Variants in SCN9A observed in about 807,000 individuals in gnomAD.
SCN9A encodes the protein sodium voltage-gated channel alpha subunit 9, also known as sodium channel protein type 9 subunit alpha.
Under a neutral mutation model 187.0 loss-of-function variants are expected in SCN9A, and 131 were observed. That is an observed-to-expected ratio of 0.70 (90% confidence interval 0.61 to 0.81). The LOEUF is 0.81. Among genes scored for constraint, SCN9A ranks in the 30% least tolerant of loss-of-function variants. The probability of loss-of-function intolerance (pLI) is 0.00; values close to 1 mark genes in which losing one functional copy is unlikely to be tolerated. For synonymous variants in SCN9A, 809 were observed against 808.6 expected (o/e 1.00, Z -0.01); for missense variants, 2,252 against 2,396.6 (o/e 0.94, Z 1.26).
intron 1 of SCN9A, among the ~76,000 whole-genome samples, chr2:166,334,235 C>T (rs1294689265): frequency 1.3e-5 from 2 of 151,962 alleles, no homozygotes; most frequent in Admixed American, 1.3e-4. Context: ...CGAATGCCAA[C>T]AAAATTACAA....
intron 17 of SCN9A, 33 bp from the exon 18 acceptor site, chr2:166,251,918 T>C: frequency 1.2e-6 from 2 of 1,609,302 alleles, no homozygotes; most frequent in Non-Finnish European, 1.7e-6. Context: ...ACCAGGTAGT[T>C]CATTTAGAGT....
chr2:166,267,101 T>C (rs1312190457), intron 17 of SCN9A, among the ~76,000 whole-genome samples: 2 of 151,980 alleles, frequency 1.3e-5, no homozygotes, highest in Non-Finnish European at 2.9e-5. Flanking sequence ...TGAATAAAAG[T>C]AGTGAAAGTG....
At position 166,307,013 on chromosome 2, in the gene SCN9A, T is replaced by C. The variant is rs762510204; in HGVS notation, c.320A>G (p.Tyr107Cys). Reference protein sequence around the residue: ...IFRFNATPALYMLSPFSPLRR... With the variant: ...IFRFNATPALCMLSPFSPLRR... The stretch of plus-strand genomic sequence containing the variant: ...TAGAGGACTGAAAGGAGAAAGCATA[T>C]ATAAAGCAGGTGTGGCATTGAAACG... Residue 107 changes from tyrosine to cysteine, a missense_variant, in exon 3 of 27, where the codon TAT (tyrosine) becomes TGT (cysteine). This residue lies in a region of SCN9A where 1,013 missense variants were observed against 997.4 expected (regional missense o/e 1.02). Transcript: ENST00000642356. 3.1e-6 allele frequency: 5 copies of C among 1,612,028 alleles called. No homozygotes were observed. Among genetic ancestry groups the C allele is most frequent in the East Asian group, 2.2e-5 (1 of 44,796 alleles).
chr2:166,197,213 C>T lies in SCN9A; in HGVS notation c.*1459G>A, dbSNP rs200973494. On this transcript the variant is annotated 3_prime_UTR_variant, in exon 27 of 27. Coordinates refer to ENST00000642356, the MANE Select transcript of SCN9A (RefSeq NM_001365536.1). ...ATGAATAACTTTATAGAAGAAAGAT[C>T]TCATATTCCTGAAATAAACTCACGA... 2 of 152,050 alleles carry T rather than the reference C, an allele frequency of 1.3e-5. No homozygotes were observed. The highest frequency in any genetic ancestry group is 2.1e-4 in the South Asian group (1 of 4,812). The allele number at this position is 152,050 out of a possible 1,614,324, so 9.4% of individuals were successfully genotyped here. A position where few individuals can be genotyped will look rare whatever the true frequency, so the allele number is the denominator to read the frequency against.
Position 166,281,684 on chromosome 2 carries a change from A to C in SCN9A, c.2099T>G (p.Val700Gly). The C allele has an allele frequency of 6.2e-7, 1 of 1,612,848 alleles. No individual in the cohort carries two copies. The highest frequency in any genetic ancestry group is 8.5e-7 in the Non-Finnish European group (1 of 1,179,246). ...AAAAGAAGATTATTACATACCTTCC[A>C]CAGTGTTTGTTAATATGCTTGCTCT... ...MSRASILTNT[V>G]EELEESRQKC... Residue 700 changes from valine (V) to glycine (G), a missense_variant, in exon 13 of 27, where the codon GTG (valine) becomes GGG (glycine). By Grantham distance (109) the Val-to-Gly change is moderately radical. Around this residue, in one of 7 missense-constraint regions of SCN9A, gnomAD observed 1,013 missense variants for 997.4 expected, o/e 1.02. Coordinates refer to ENST00000642356, the MANE Select transcript of SCN9A (RefSeq NM_001365536.1).
At position 166,288,120 on chromosome 2, in the gene SCN9A, T is replaced by TATATATATATATATACACACAC. The variant is rs56738765; in HGVS notation, c.1314+316_1314+317insGTGTGTGTATATATATATATAT. On this transcript the variant is annotated intron_variant, in intron 10 of 26. Transcript: ENST00000642356. ...ATATATATATATATATATATATATA[T>TATATATATATATATACACACAC]ACACACACATTTATATGTATATGTG... is the stretch of plus-strand genomic sequence containing the variant. 1.8e-4 allele frequency among the ~76,000 whole-genome samples: 24 copies of TATATATATATATATACACACAC among 135,540 alleles called. No homozygotes were observed. The East Asian group carries it at 3.6e-3, about 20-fold the overall frequency. 88.9% of individuals were successfully genotyped at this position (135,540 alleles called of 152,430 possible). A position where few individuals can be genotyped will look rare whatever the true frequency, so the allele number is the denominator to read the frequency against.
chr2:166,313,026 A>ATTTAATTTTCTGAATTAAATAATATAG lies in SCN9A; in HGVS notation c.-50-1221_-50-1220insCTATATTATTTAATTCAGAAAATTAAA, dbSNP rs199757256. ...TTCTGAATAATTAAATAATATAGTT[A>ATTTAATTTTCTGAATTAAATAATATAG]TTATTTAATTTTCTGAATAGTAAAG... On this transcript the variant is annotated intron_variant, in intron 1 of 26. Coordinates refer to ENST00000642356, the MANE Select transcript of SCN9A (RefSeq NM_001365536.1). 5.6e-3 allele frequency among the ~76,000 whole-genome samples: 622 copies of ATTTAATTTTCTGAATTAAATAATATAG among 111,122 alleles called. 29 individuals are homozygous for ATTTAATTTTCTGAATTAAATAATATAG. The East Asian group carries it at 0.075, about 13-fold the overall frequency. The allele number at this position is 111,122 out of a possible 152,430, so 72.9% of individuals were successfully genotyped here. A position where few individuals can be genotyped will look rare whatever the true frequency, so the allele number is the denominator to read the frequency against.
At chr2:166,253,181 A>G (rs1299218636) in intron 17 of SCN9A, among the ~76,000 whole-genome samples, 1 of 151,866 alleles carries the variant, frequency 6.6e-6, no homozygotes, top group Non-Finnish European at 1.5e-5. Context: ...ATCACCTAGT[A>G]TACAACATCA....
Position 166,283,549 on chromosome 2 carries a change from A to G in SCN9A, c.1974+904T>C, listed in dbSNP as rs185805478. On this transcript the variant is annotated intron_variant, in intron 12 of 26. Coordinates refer to ENST00000642356, the MANE Select transcript of SCN9A (RefSeq NM_001365536.1). Reference sequence around the variant, plus strand: ...AAACTCCAGGAATGAGAAAGATCTCACTTTCAAGCCTAATCAGACACCTTT... The same window carrying G: ...AAACTCCAGGAATGAGAAAGATCTCGCTTTCAAGCCTAATCAGACACCTTT... 2.1e-3 allele frequency among the ~76,000 whole-genome samples: 323 copies of G among 152,274 alleles called. 1 individual carries two copies. The highest frequency in any genetic ancestry group is 6.5e-3 in the African/African-American group (271 of 41,556).
intron 1 of SCN9A, among the ~76,000 whole-genome samples, chr2:166,340,566 C>A (rs867287518): frequency 1.4e-5 from 1 of 69,104 alleles, no homozygotes; most frequent in Non-Finnish European, 2.7e-5. Flanking sequence ...TTCTTTCTTT[C>A]TTTCTTTCTT....
At chr2:166,356,988 G>T (rs575092333) in intron 1 of SCN9A, among the ~76,000 whole-genome samples, 1 of 151,976 alleles carries the variant, frequency 6.6e-6, no homozygotes, top group East Asian at 1.9e-4. Context: ...AAGTTCAGGG[G>T]TACATGCACA....
At position 166,305,575 on chromosome 2, in the gene SCN9A, A is replaced by G. The variant is rs566348964; in HGVS notation, c.596+217T>C. On this transcript the variant is annotated intron_variant, in intron 5 of 26. Transcript: ENST00000642356. The stretch of plus-strand genomic sequence containing the variant: ...TGCTGAGCATGGAGGAAGATGATCA[A>G]TCTCAATGATGTCACATACCTCTGA... 1.6e-4 allele frequency among the ~76,000 whole-genome samples: 25 copies of G among 152,246 alleles called. No individual in the cohort carries two copies. In the South Asian group the frequency reaches 5.2e-3, roughly 32 times the overall value.
intron 24 of SCN9A, among the ~76,000 whole-genome samples, chr2:166,213,187 C>T (rs1296775045): frequency 6.6e-6 from 1 of 151,656 alleles, no homozygotes; most frequent in Non-Finnish European, 1.5e-5. Context: ...GTCAACAAAA[C>T]TAAGAATTGG....
At chr2:166,273,572 C>T in intron 16 of SCN9A, among the ~76,000 whole-genome samples, 1 of 151,776 alleles carries the variant, frequency 6.6e-6, no homozygotes, top group Middle Eastern at 3.2e-3. Flanking sequence ...AAGGTCAGGA[C>T]AATTTCTATT....
At chr2:166,235,881 C>T (rs114372478) in intron 20 of SCN9A, among the ~76,000 whole-genome samples, 3,125 of 152,182 alleles carry the variant, frequency 0.021, 117 homozygotes, top group African/African-American at 0.072. Context: ...GTTATACTCA[C>T]TGAGAATCAT....
At chr2:166,355,078 C>A (rs1404580067) in intron 1 of SCN9A, among the ~76,000 whole-genome samples, 28 of 151,302 alleles carry the variant, frequency 1.9e-4, no homozygotes, top group Admixed American at 1.8e-3. Flanking sequence ...GCTAGGACTA[C>A]AGGTGTGCAC....
intron 1 of SCN9A, among the ~76,000 whole-genome samples, chr2:166,358,109 G>A (rs928753287): frequency 1.3e-5 from 2 of 149,340 alleles, no homozygotes; most frequent in African/African-American, 4.9e-5. Context: ...CTCTCTCATT[G>A]CCCAGGCTGG....
At chr2:166,252,761 G>C (rs966552602) in intron 17 of SCN9A, among the ~76,000 whole-genome samples, 2 of 151,558 alleles carry the variant, frequency 1.3e-5, no homozygotes, top group Admixed American at 1.3e-4. Context: ...TAACCATGAT[G>C]TTTACACATA....
rs765857971 is a variant in SCN9A, at chr2:166,293,390, C to T, written c.966-18G>A. The T allele has an allele frequency of 3.1e-6, 5 of 1,587,678 alleles. No homozygotes were observed. The highest frequency in any genetic ancestry group is 2.3e-5 in the East Asian group (1 of 44,422). On this transcript the variant is annotated intron_variant, in intron 8 of 26. Transcript: ENST00000642356. The stretch of plus-strand genomic sequence containing the variant: ...GACACTGACTACACACGAGAAAGAA[C>T]ATTATAGGTGAGAGTGTCTTCAGGA...
Sources: gnomAD v4.1 joint callset for allele counts (sites outside exome capture counted in the v4.1 genomes callset) on GRCh38, gnomAD v4.1.1 for gene constraint, gnomAD v4.1.1 regional missense constraint, MANE v1.5 for transcripts, NCBI Gene and HGNC (gene_info 2026-07-23, HGNC 2026-07-21) for gene names.